The following NEK10 variants were observed in gnomAD, a reference collection of about 807,000 sequenced individuals.
NEK10 encodes NIMA related kinase 10, also known as serine/threonine-protein kinase Nek10.
In NEK10, 122 loss-of-function variants were observed where a neutral mutation model predicts 159.8. That is an observed-to-expected ratio of 0.76 (90% CI 0.66 to 0.89). The LOEUF (loss-of-function observed/expected upper bound fraction) is 0.89, where lower values mean the gene tolerates loss of function less well. NEK10 is among the 40% of genes least tolerant of loss of function. The probability of loss-of-function intolerance (pLI) is 0.00; values close to 1 mark genes in which losing one functional copy is unlikely to be tolerated. For synonymous variants in NEK10, 466 were observed against 457.1 expected, an observed-to-expected ratio of 1.02 and a Z score of -0.25; for missense variants, 1,342 against 1,323.1, an observed-to-expected ratio of 1.01 and a Z score of -0.22.
intron 23 of NEK10, among the ~76,000 whole-genome samples, chr3:27,228,966 T>C (rs1238098107): frequency 2.6e-5 from 4 of 152,112 alleles, no homozygotes; most frequent in African/African-American, 9.7e-5. Flanking sequence ...CTCTAGGTAT[T>C]AGCACTGGGT....
At chr3:27,138,087 G>A (rs564470162) in intron 31 of NEK10, among the ~76,000 whole-genome samples, 7 of 152,304 alleles carry the variant, frequency 4.6e-5, no homozygotes, top group Middle Eastern at 3.4e-3. Flanking sequence ...CTCCAGTGAT[G>A]CTCCTGCGTT....
At chr3:27,242,878 T>C (rs1036855264) in intron 23 of NEK10, among the ~76,000 whole-genome samples, 4 of 152,200 alleles carry the variant, frequency 2.6e-5, no homozygotes, top group African/African-American at 7.2e-5. Flanking sequence ...GTGAGGATCC[T>C]AGAAGTATGC....
chr3:27,214,978 G>T, intron 23 of NEK10: 1 of 710,382 alleles, frequency 1.4e-6, no homozygotes. Context: ...GACCACATCC[G>T]CCAGGCACCG....
chr3:27,134,080 G>A (rs114382803), intron 31 of NEK10, among the ~76,000 whole-genome samples: 1,969 of 152,192 alleles, frequency 0.013, 22 homozygotes, highest in African/African-American at 0.027. Flanking sequence ...GAGGAAGGGG[G>A]GTGCAGGGAG....
chr3:27,215,864 G>A (rs1951469991), intron 23 of NEK10: 1 of 716,706 alleles, frequency 1.4e-6, no homozygotes, highest in Non-Finnish European at 2.6e-6. Flanking sequence ...GGAGAGCGAA[G>A]GTAGAGGTGC....
intron 22 of NEK10, among the ~76,000 whole-genome samples, chr3:27,260,196 T>C (rs915192253): frequency 6.6e-6 from 1 of 152,204 alleles, no homozygotes; most frequent in African/African-American, 2.4e-5. Flanking sequence ...TGTTTCCTAA[T>C]TGAATACCCT....
chr3:27,300,046 G>T (rs1401572624), intron 13 of NEK10, among the ~76,000 whole-genome samples: 1 of 152,150 alleles, frequency 6.6e-6, no homozygotes, highest in Non-Finnish European at 1.5e-5. Context: ...GGCATGACTG[G>T]TTTTGAAATG....
chr3:27,285,062 AC>A (rs34894168), intron 20 of NEK10, 101 bp from the exon 21 acceptor site: 202,323 of 822,530 alleles, frequency 0.25, 26,333 homozygotes, highest in Middle Eastern at 0.38. Flanking sequence ...TCTGTGCGGG[AC>A]ACTAACACTA....
intron 31 of NEK10, among the ~76,000 whole-genome samples, chr3:27,133,522 C>A (rs533092798): frequency 4.5e-4 from 69 of 152,314 alleles, no homozygotes; most frequent in African/African-American, 1.7e-3. Flanking sequence ...TGCCTTTAAT[C>A]CCAGCACTTT....
intron 22 of NEK10, among the ~76,000 whole-genome samples, chr3:27,261,090 C>A (rs904039041): frequency 6.6e-5 from 10 of 151,822 alleles, no homozygotes; most frequent in Non-Finnish European, 1.3e-4. Context: ...TTTTTTATTG[C>A]GTCTATTTGA....
intron 11 of NEK10, among the ~76,000 whole-genome samples, chr3:27,307,382 C>A (rs1366203599): frequency 1.3e-5 from 2 of 152,078 alleles, no homozygotes; most frequent in African/African-American, 4.8e-5. Flanking sequence ...GAACAATATG[C>A]AGTTCAAGTA....
chr3:27,153,553 G>A (rs1296801326), intron 30 of NEK10, among the ~76,000 whole-genome samples: 5 of 151,986 alleles, frequency 3.3e-5, no homozygotes, highest in African/African-American at 4.8e-5. Context: ...CCATATGATA[G>A]GCCATAAAAT....
intron 23 of NEK10, among the ~76,000 whole-genome samples, chr3:27,244,451 C>T (rs1954858288): frequency 6.6e-6 from 1 of 152,150 alleles, no homozygotes; most frequent in African/African-American, 2.4e-5. Context: ...ACAATGGAAT[C>T]CCTTTAAATA....
intron 22 of NEK10, chr3:27,278,560 C>T (rs768659253): frequency 5.8e-6 from 2 of 347,090 alleles, no homozygotes; most frequent in African/African-American, 2.2e-5. Context: ...TGCCAAATAT[C>T]ACTTGAGAAA....
At chr3:27,259,748 G>C (rs13069688) in intron 22 of NEK10, among the ~76,000 whole-genome samples, 32,303 of 151,974 alleles carry the variant, frequency 0.21, 7,093 homozygotes, top group African/African-American at 0.56. Flanking sequence ...TTTTCCAATT[G>C]TGTGAAGAAA....
chr3:27,149,340 A>T (rs1944607011), intron 30 of NEK10, among the ~76,000 whole-genome samples: 1 of 152,080 alleles, frequency 6.6e-6, no homozygotes, highest in Non-Finnish European at 1.5e-5. Context: ...ACCTTATTAT[A>T]TTGCACTTCA....
chr3:27,190,842 A>G (rs1949047155), intron 26 of NEK10, among the ~76,000 whole-genome samples: 1 of 152,244 alleles, frequency 6.6e-6, no homozygotes, highest in Non-Finnish European at 1.5e-5. Flanking sequence ...AGGTAGTAAA[A>G]TAAAAAGCAA....
chr3:27,294,353 G>A (rs2043198642), intron 15 of NEK10, among the ~76,000 whole-genome samples: 1 of 152,192 alleles, frequency 6.6e-6, no homozygotes, highest in Non-Finnish European at 1.5e-5. Context: ...TAAAATCAGT[G>A]ATCTGAACAC....
In NEK10 at chr3:27,331,262, A is replaced by AAAAAAAAAAAAAAAAAAAAAAAAAAAAC; in HGVS notation, c.363-9002_363-9001insGTTTTTTTTTTTTTTTTTTTTTTTTTTT. 9.3e-4 allele frequency among the ~76,000 whole-genome samples: 102 copies of AAAAAAAAAAAAAAAAAAAAAAAAAAAAC among 110,052 alleles called. 30 individuals carry two copies. The highest frequency in any genetic ancestry group is 1.6e-3 in the Non-Finnish European group (81 of 50,992). 72.2% of individuals were successfully genotyped at this position (110,052 alleles called of 152,430 possible). A position where few individuals can be genotyped will look rare whatever the true frequency, so the allele number is the denominator to read the frequency against. On this transcript the variant is annotated intron_variant, in intron 5 of 35. Transcript: ENST00000691995. ...CAAAAAAAAAAAAACAAAAAAAAAAAACACACAAACCTAAGACTTTTGAGG... is the reference window on the plus strand; with the variant it reads ...CAAAAAAAAAAAAACAAAAAAAAAAAAAAAAAAAAAAAAAAAAAAAAAAAAAACACACACAAACCTAAGACTTTTGAGG...
Sources: allele counts gnomAD v4.1 joint callset (sites outside exome capture counted in the v4.1 genomes callset), GRCh38; gene constraint gnomAD v4.1.1; transcripts MANE v1.5; gene names NCBI Gene and HGNC (gene_info 2026-07-23, HGNC 2026-07-21).